Variants in ZNF14 observed in about 807,000 individuals in gnomAD.
ZNF14 encodes zinc finger protein 14.
Under a neutral mutation model 11.3 loss-of-function variants are expected in ZNF14, and 9 were observed. The ratio of observed to expected loss-of-function variants is 0.80; its 90% CI spans 0.48 to 1.39. ZNF14 has a LOEUF of 1.39. Among genes scored for constraint, ZNF14 ranks in the 40% most tolerant of loss-of-function variants. The pLI is 0.00. For missense variants in ZNF14, 711 were observed against 763.9 expected (o/e 0.93, Z 0.82); for synonymous variants, 239 against 245.7 (o/e 0.97, Z 0.25).
chr19:19,718,099 C>A (rs2062382641), intron 1 of ZNF14, among the ~76,000 whole-genome samples: 2 of 152,134 alleles, frequency 1.3e-5, no homozygotes, highest in South Asian at 4.2e-4. Flanking sequence ...GAGTTTTCAA[C>A]AAAAATTATA....
At chr19:19,721,780 G>A (rs1003740513) in intron 1 of ZNF14, among the ~76,000 whole-genome samples, 3 of 152,000 alleles carry the variant, frequency 2.0e-5, no homozygotes, top group Non-Finnish European at 2.9e-5. Context: ...TGATCAACAT[G>A]GTGAAACCCT....
chr19:19,733,081 T>C lies in ZNF14; in HGVS notation c.-123A>G, dbSNP rs1361469429. 5.4e-6 allele frequency: 7 copies of C among 1,292,272 alleles called. No individual in the cohort carries two copies. Among genetic ancestry groups the C allele is most frequent in the African/African-American group, 1.5e-5 (1 of 67,508 alleles). The allele number at this position is 1,292,272 out of a possible 1,614,324, so 80.1% of individuals were successfully genotyped here. On this transcript the variant is annotated 5_prime_UTR_variant, in exon 1 of 4. Transcript: ENST00000344099. ...TTCAGGAGCAGGTGAAACGCAATCT[T>C]CCCATGGGCCAGGAATGGCGACGTC...
intron 1 of ZNF14, among the ~76,000 whole-genome samples, chr19:19,730,390 C>T (rs944004160): frequency 6.6e-6 from 1 of 152,130 alleles, no homozygotes; most frequent in Admixed American, 6.6e-5. Context: ...ATGTCAACTA[C>T]CACTTTCATA....
At chr19:19,716,100 G>A (rs903206375) in intron 1 of ZNF14, among the ~76,000 whole-genome samples, 8 of 151,970 alleles carry the variant, frequency 5.3e-5, no homozygotes, top group South Asian at 2.1e-4. Flanking sequence ...GGGAAGACTC[G>A]GGTAGGCTGG....
At chr19:19,717,554 G>A (rs1004852771) in intron 1 of ZNF14, among the ~76,000 whole-genome samples, 4 of 152,188 alleles carry the variant, frequency 2.6e-5, no homozygotes, top group Admixed American at 2.6e-4. Flanking sequence ...TCAAGGGCAG[G>A]TCTTTCTGGT....
At chr19:19,730,825 T>TC (rs1339045344) in intron 1 of ZNF14, among the ~76,000 whole-genome samples, 1 of 152,028 alleles carries the variant, frequency 6.6e-6, no homozygotes, top group East Asian at 1.9e-4. Context: ...GGAAGGAGAA[T>TC]CGCTTGAACC....
intron 1 of ZNF14, among the ~76,000 whole-genome samples, chr19:19,719,027 A>G (rs898037455): frequency 6.6e-6 from 1 of 152,166 alleles, no homozygotes; most frequent in Non-Finnish European, 1.5e-5. Context: ...CGACCTCCCA[A>G]AGGGCTGGGA....
At chr19:19,718,145 G>A (rs1177255716) in intron 1 of ZNF14, among the ~76,000 whole-genome samples, 2 of 152,164 alleles carry the variant, frequency 1.3e-5, no homozygotes, top group Non-Finnish European at 2.9e-5. Context: ...AGAATTAGAA[G>A]ACAGAGGTCA....
chr19:19,727,021 C>T lies in ZNF14; in HGVS notation c.3+5935G>A, dbSNP rs956350897. 2.2e-5 allele frequency among the ~76,000 whole-genome samples: 3 copies of T among 134,146 alleles called. 1 individual carries two copies. Among genetic ancestry groups the T allele is most frequent in the Admixed American group, 2.2e-4 (3 of 13,686 alleles). 88.0% of individuals were successfully genotyped at this position (134,146 alleles called of 152,430 possible). On this transcript the variant is annotated intron_variant, in intron 1 of 3. Coordinates refer to ENST00000344099, the MANE Select transcript of ZNF14 (RefSeq NM_021030.3). Reference sequence around the variant, plus strand: ...TGACTAGGAAAGGGAATTCCCCGACCCCTTGCACTTCCCAAGTGAGGCAAT... The same window carrying T: ...TGACTAGGAAAGGGAATTCCCCGACTCCTTGCACTTCCCAAGTGAGGCAAT...
At position 19,720,150 on chromosome 19, in the gene ZNF14, G is replaced by A; in HGVS notation, c.4-5663C>T. Among the ~76,000 whole-genome samples, 1 of 152,128 alleles carries A rather than the reference G, an allele frequency of 6.6e-6. No homozygotes were observed. Among genetic ancestry groups the A allele is most frequent in the East Asian group, 1.9e-4 (1 of 5,190 alleles). On this transcript the variant is annotated intron_variant, in intron 1 of 3. Coordinates refer to ENST00000344099, the MANE Select transcript of ZNF14 (RefSeq NM_021030.3). The surrounding 1 kb of genome is among the most constrained non-coding windows in gnomAD (Gnocchi z 4.1). Reference sequence around the variant, plus strand: ...AGTATAGCTGGAGACTTCAATACCTGTCTATCAGCAATAGCAGATCCAGCA... The same window carrying A: ...AGTATAGCTGGAGACTTCAATACCTATCTATCAGCAATAGCAGATCCAGCA...
At chr19:19,728,871 T>A (rs1267342129) in intron 1 of ZNF14, among the ~76,000 whole-genome samples, 1 of 151,848 alleles carries the variant, frequency 6.6e-6, no homozygotes, top group African/African-American at 2.4e-5. Flanking sequence ...CCAACCTTGT[T>A]ATAATTATGC....
In ZNF14 at chr19:19,712,126, A is replaced by G; in HGVS notation, c.1155T>C (p.His385=). ...TACACTCATAAGGTTTCTCTCCAGT[A>G]TGAGTTCTTTCATGCAATCGAAGAG... The part of the protein sequence containing the change: ...SISLRLHERT[H]TGEKPYECKQ... Residue 385 remains histidine, a synonymous_variant, in exon 4 of 4, where the codon CAT becomes CAC. Coordinates refer to ENST00000344099, the MANE Select transcript of ZNF14 (RefSeq NM_021030.3). 6.2e-7 allele frequency: 1 copy of G among 1,613,888 alleles called. No homozygotes were observed. Among genetic ancestry groups the G allele is most frequent in the South Asian group, 1.1e-5 (1 of 91,070 alleles).
At chr19:19,715,933 A>AACTT (rs1234763311) in intron 1 of ZNF14, among the ~76,000 whole-genome samples, 5 of 152,358 alleles carry the variant, frequency 3.3e-5, no homozygotes, top group African/African-American at 1.2e-4. Context: ...TATTTATCAC[A>AACTT]GGCTCAGTTC....
At position 19,712,585 on chromosome 19, in the gene ZNF14, A is replaced by G. The variant is rs755735122; in HGVS notation, c.696T>C (p.Phe232=). The change falls in exon 4 of 4, where the codon TTT becomes TTC. Residue 232 remains phenylalanine (F), a synonymous_variant. Transcript: ENST00000344099. ...GTCTTTGAAAAGATTGGTAACATATAAAGGCTTTCCCACACTGTTTACATT... is the reference window on the plus strand; with the variant it reads ...GTCTTTGAAAAGATTGGTAACATATGAAGGCTTTCCCACACTGTTTACATT... The part of the protein sequence containing the change: ...PYECKQCGKA[F]ICYQSFQRHK... The G allele has an allele frequency of 1.8e-5, 29 of 1,612,716 alleles. No homozygotes were observed. Among genetic ancestry groups the G allele is most frequent in the African/African-American group, 2.7e-5 (2 of 74,718 alleles).
intron 1 of ZNF14, among the ~76,000 whole-genome samples, chr19:19,715,195 C>T (rs565618392): frequency 9.2e-5 from 14 of 152,304 alleles, no homozygotes; most frequent in South Asian, 4.1e-4. Context: ...CATTTCATTA[C>T]GCATGGAATC....
chr19:19,712,528 A>G lies in ZNF14; in HGVS notation c.753T>C (p.Tyr251=). Reference sequence around the variant, plus strand: ...AAGCCTTACCACATTGCTTACATTCATAGGGTTTCTCTCCAGTGTGAGTCC... The same window carrying G: ...AAGCCTTACCACATTGCTTACATTCGTAGGGTTTCTCTCCAGTGTGAGTCC... ...HKRTHTGEKP[Y]ECKQCGKAFS... is the part of the protein sequence containing the mutation. The change falls in exon 4 of 4, where the codon TAT becomes TAC. Residue 251 remains tyrosine, a synonymous_variant. Coordinates refer to ENST00000344099, the MANE Select transcript of ZNF14 (RefSeq NM_021030.3). 1.2e-6 allele frequency: 2 copies of G among 1,613,476 alleles called. No individual in the cohort carries two copies. The highest frequency in any genetic ancestry group is 1.7e-6 in the Non-Finnish European group (2 of 1,179,866).
chr19:19,711,238 A>C lies in ZNF14; in HGVS notation c.*114T>G. 8.1e-7 allele frequency: 1 copy of C among 1,241,972 alleles called. No homozygotes were observed. The highest frequency in any genetic ancestry group is 1.1e-6 in the Non-Finnish European group (1 of 915,258). 76.9% of individuals were successfully genotyped at this position (1,241,972 alleles called of 1,614,324 possible). ...TTCGTGCTCAAAAGAAACTGGAACA[A>C]TTAAGGGCTTTAGAACAATGTTTGT... is the stretch of plus-strand genomic sequence containing the variant. On this transcript the variant is annotated 3_prime_UTR_variant, in exon 4 of 4. Transcript: ENST00000344099.
chr19:19,718,290 C>T (rs1337416470), intron 1 of ZNF14, among the ~76,000 whole-genome samples: 1 of 152,008 alleles, frequency 6.6e-6, no homozygotes, highest in Admixed American at 6.6e-5. Context: ...ACAATTTAAG[C>T]ATATATATAG....
chr19:19,713,102 A>G lies in ZNF14; in HGVS notation c.192-13T>C. ...AACCATATGACATCTGTAAAAAATGAATAGCACATTATTAGTGGCTTTTTA... is the reference window on the plus strand; with the variant it reads ...AACCATATGACATCTGTAAAAAATGGATAGCACATTATTAGTGGCTTTTTA... On this transcript the variant is annotated splice_polypyrimidine_tract_variant and intron_variant, in intron 3 of 3. Transcript: ENST00000344099. 6.4e-7 allele frequency: 1 copy of G among 1,551,156 alleles called. No homozygotes were observed. The highest frequency in any genetic ancestry group is 8.7e-7 in the Non-Finnish European group (1 of 1,152,746).
Sources: gnomAD v4.1 joint callset for allele counts (sites outside exome capture counted in the v4.1 genomes callset) on GRCh38, gnomAD v4.1.1 for gene constraint, Gnocchi (gnomAD v3.1) non-coding constraint, MANE v1.5 for transcripts, NCBI Gene and HGNC (gene_info 2026-07-23, HGNC 2026-07-21) for gene names.